The following PAK3 variants were observed in gnomAD, a reference collection of about 807,000 sequenced individuals.
The protein encoded by PAK3 is serine/threonine-protein kinase PAK 3.
A neutral mutation model predicts 41.0 loss-of-function variants in PAK3; 4 were observed. The ratio of observed to expected loss-of-function variants is 0.10; its 90% confidence interval spans 0.05 to 0.22. The LOEUF is 0.22. PAK3 is among the 10% of genes least tolerant of loss of function. PAK3 has a pLI of 1.00. For synonymous variants in PAK3, 146 were observed against 139.6 expected (o/e 1.05, Z -0.32); for missense variants, 205 against 409.9 (o/e 0.50, Z 4.32).
chrX:111,052,777 G>A (rs1385229770), intron 1 of PAK3, among the ~76,000 whole-genome samples: 3 of 112,222 alleles, frequency 2.7e-5, no homozygotes, highest in Admixed American at 1.9e-4. Flanking sequence ...AAAGACTTAA[G>A]TTGATGCAAT....
In PAK3 at chrX:110,969,428, C is replaced by T. The variant is rs746339775; in HGVS notation, c.-28+24800C>T. On this transcript the variant is annotated intron_variant, in intron 1 of 14. Coordinates refer to the PAK3 transcript ENST00000425146. ...CCCCCTGAGTAGCTGGGATTACAGG[C>T]GTGTGCTACCAGACGTGGCTAATTT... Among the ~76,000 whole-genome samples, 63 of 97,520 alleles carry T rather than the reference C, an allele frequency of 6.5e-4. 1 individual carries two copies. The highest frequency in any genetic ancestry group is 7.7e-4 in the Non-Finnish European group (38 of 49,404). The allele number at this position is 97,520 out of a possible 115,157, so 84.7% of individuals were successfully genotyped here. A position where few individuals can be genotyped will look rare whatever the true frequency, so the allele number is the denominator to read the frequency against.
chrX:111,064,696 T>C (rs1186713172), intron 1 of PAK3, among the ~76,000 whole-genome samples: 6 of 112,647 alleles, frequency 5.3e-5, no homozygotes, highest in African/African-American at 1.3e-4. Context: ...CAATCCACCA[T>C]TGATGGGCAC....
chrX:111,125,809 G>A (rs951503224), intron 5 of PAK3, among the ~76,000 whole-genome samples: 52 of 111,654 alleles, frequency 4.7e-4, no homozygotes, highest in African/African-American at 1.6e-3. Context: ...ATATTGGGAA[G>A]AAAGAAACCT....
At chrX:110,973,572 C>A (rs1450006557) in intron 1 of PAK3, among the ~76,000 whole-genome samples, 5 of 112,000 alleles carry the variant, frequency 4.5e-5, no homozygotes, top group African/African-American at 1.6e-4. Context: ...AAGCACTAAA[C>A]ATGGAAAGAA....
intron 5 of PAK3, among the ~76,000 whole-genome samples, chrX:111,131,708 G>T (rs1215596003): frequency 8.9e-6 from 1 of 112,032 alleles, no homozygotes; most frequent in African/African-American, 3.2e-5. Context: ...GTTCCCTCTT[G>T]TAATATGCCC....
chrX:110,973,595 A>G (rs187615121), intron 1 of PAK3, among the ~76,000 whole-genome samples: 3,874 of 112,148 alleles, frequency 0.035, 159 homozygotes, highest in African/African-American at 0.12. Flanking sequence ...AACCAGTACC[A>G]GCCACTGCAA....
chrX:111,070,192 C>G (rs1200709481), intron 1 of PAK3, among the ~76,000 whole-genome samples: 1 of 111,000 alleles, frequency 9.0e-6, no homozygotes, highest in Non-Finnish European at 1.9e-5. Flanking sequence ...GTAGTTGCAC[C>G]AACCCACAGC....
At chrX:110,950,577 G>C (rs1330052672) in intron 1 of PAK3, among the ~76,000 whole-genome samples, 1 of 111,302 alleles carries the variant, frequency 9.0e-6, no homozygotes, top group Non-Finnish European at 1.9e-5. Context: ...CCCTCTCCTT[G>C]TCCCCCAACC....
At chrX:111,207,036 C>A (rs1449093268) in intron 16 of PAK3, among the ~76,000 whole-genome samples, 1 of 108,823 alleles carries the variant, frequency 9.2e-6, no homozygotes, top group Non-Finnish European at 1.9e-5. Context: ...AGGCAACAAC[C>A]AGCTGCATAT....
chrX:110,966,044 C>A (rs1290795456), intron 1 of PAK3, among the ~76,000 whole-genome samples: 2 of 112,055 alleles, frequency 1.8e-5, no homozygotes, highest in Non-Finnish European at 3.8e-5. Flanking sequence ...TAAATCCTTG[C>A]TAAATGAGGG....
At chrX:110,966,111 G>A (rs1427355318) in intron 1 of PAK3, among the ~76,000 whole-genome samples, 1 of 112,134 alleles carries the variant, frequency 8.9e-6, no homozygotes, top group African/African-American at 3.2e-5. Context: ...AGCTAAATAT[G>A]TGTCACCTAA....
intron 5 of PAK3, 134 bp downstream of exon 5, chrX:111,123,412 T>A (rs2093607295): frequency 2.0e-6 from 1 of 506,150 alleles, no homozygotes; most frequent in African/African-American, 2.4e-5. Flanking sequence ...TCTTCAGAGG[T>A]TGCATTTTGT....
chrX:111,131,566 T>A (rs189433074), intron 5 of PAK3, among the ~76,000 whole-genome samples: 7,778 of 108,426 alleles, frequency 0.072, 473 homozygotes, highest in African/African-American at 0.2. Context: ...AAAAAAAAAA[T>A]AAATTTGTAG....
intron 10 of PAK3, among the ~76,000 whole-genome samples, chrX:111,165,086 C>T (rs555595831): frequency 1.8e-5 from 2 of 111,398 alleles, no homozygotes; most frequent in South Asian, 3.8e-4. Flanking sequence ...GTGCACAGGA[C>T]GGCTGCCCTC....
intron 1 of PAK3, among the ~76,000 whole-genome samples, chrX:111,065,267 G>A (rs1395721056): frequency 1.8e-5 from 2 of 110,487 alleles, no homozygotes; most frequent in African/African-American, 6.6e-5. Flanking sequence ...TATCATGAAG[G>A]GATGTTGGAT....
chrX:111,184,970 A>G (rs139310759), intron 11 of PAK3, among the ~76,000 whole-genome samples: 13,997 of 111,282 alleles, frequency 0.13, 1,790 homozygotes, highest in African/African-American at 0.39. Flanking sequence ...TTGAGGAATC[A>G]CCACACTGTT....
At chrX:111,076,322 G>C (rs2092785504) in intron 1 of PAK3, among the ~76,000 whole-genome samples, 1 of 111,853 alleles carries the variant, frequency 8.9e-6, no homozygotes, top group Non-Finnish European at 1.9e-5. Flanking sequence ...GTTGGGAGGT[G>C]ACTGAATCAG....
At chrX:111,207,913 G>A (rs1440875236) in intron 16 of PAK3, among the ~76,000 whole-genome samples, 1 of 112,188 alleles carries the variant, frequency 8.9e-6, no homozygotes, top group African/African-American at 3.2e-5. Flanking sequence ...TCATGTCCCA[G>A]CCTCCCTAGT....
chrX:111,071,999 C>T (rs1313212463), intron 1 of PAK3, among the ~76,000 whole-genome samples: 3 of 112,084 alleles, frequency 2.7e-5, no homozygotes, highest in Non-Finnish European at 5.6e-5. Flanking sequence ...TCTCTGGTTA[C>T]TTGGTCTTAA....
Sources: gnomAD v4.1 joint callset for allele counts (sites outside exome capture counted in the v4.1 genomes callset) on GRCh38, gnomAD v4.1.1 for gene constraint, MANE v1.5 for transcripts, NCBI Gene and HGNC (gene_info 2026-07-23, HGNC 2026-07-21) for gene names.